PCDHGA7: variants seen among roughly 807,000 people sequenced by gnomAD.
PCDHGA7 encodes the protein protocadherin gamma-A7.
A neutral mutation model predicts 58.3 loss-of-function variants in PCDHGA7; 44 were observed. That is an observed-to-expected ratio of 0.75 (90% CI 0.59 to 0.97). The LOEUF is 0.97. Ranked by LOEUF, PCDHGA7 falls within the 50% of genes least tolerant of loss-of-function variation. The pLI is 0.00. For synonymous variants in PCDHGA7, 516 were observed against 504.2 expected (o/e 1.02, Z -0.31); for missense variants, 1,266 against 1,188.7 (o/e 1.06, Z -0.96).
At chr5:141,428,551 G>A (rs1192248816) in intron 1 of PCDHGA7, 1 of 254,070 alleles carries the variant, frequency 3.9e-6, no homozygotes, top group Non-Finnish European at 7.8e-6. Flanking sequence ...ACCAGAAACA[G>A]TCCCCCCACA....
intron 1 of PCDHGA7, among the ~76,000 whole-genome samples, chr5:141,451,571 A>G (rs2098719323): frequency 6.6e-6 from 1 of 152,188 alleles, no homozygotes; most frequent in Non-Finnish European, 1.5e-5. Context: ...CAATCTTTTT[A>G]TAAACCTAAT....
At chr5:141,409,723 G>T (rs781363259) in intron 1 of PCDHGA7, 1 of 1,613,154 alleles carries the variant, frequency 6.2e-7, no homozygotes, top group Non-Finnish European at 8.5e-7. Flanking sequence ...ACGTGTCAGT[G>T]AGCGCGCAGA....
In PCDHGA7 at chr5:141,404,331, A is replaced by G. The variant is rs201757016; in HGVS notation, c.2424+19008A>G. On this transcript the variant is annotated intron_variant, in intron 1 of 3. Coordinates refer to ENST00000518325, the MANE Select transcript of PCDHGA7 (RefSeq NM_018920.4). ...TTCTCTCAAGCCTCCTACTCAGTCT[A>G]CCTCCCGGAAAACAACGCCAGAGGT... 101 of 1,613,692 alleles carry G rather than the reference A, an allele frequency of 6.3e-5. 1 individual carries two copies. The highest frequency in any genetic ancestry group is 6.0e-4 in the African/African-American group (45 of 74,944).
At chr5:141,459,531 A>G (rs1479666418) in intron 1 of PCDHGA7, among the ~76,000 whole-genome samples, 2 of 152,184 alleles carry the variant, frequency 1.3e-5, no homozygotes, top group Admixed American at 1.3e-4. Context: ...TTTTGTAGGC[A>G]TATTTTTTTT....
At chr5:141,393,404 G>A (rs1159260916) in intron 1 of PCDHGA7, 1 of 1,614,024 alleles carries the variant, frequency 6.2e-7, no homozygotes, top group Non-Finnish European at 8.5e-7. Context: ...TGGTGCTGGA[G>A]CGCGCCCTGG....
rs767547572 is a variant in PCDHGA7 at position 141,505,495 on chromosome 5, G to C, written c.2572+14G>C. On this transcript the variant is annotated intron_variant, in intron 3 of 3. Coordinates refer to ENST00000518325, the MANE Select transcript of PCDHGA7 (RefSeq NM_018920.4). The stretch of plus-strand genomic sequence containing the variant: ...CGTCCGCCAGTGGTAAGTGGTGTCA[G>C]TGTGTGTATGGAAGAGTGGGAGACC... 5 of 1,614,210 alleles carry C rather than the reference G, an allele frequency of 3.1e-6. No individual in the cohort carries two copies. Among genetic ancestry groups the C allele is most frequent in the Non-Finnish European group, 4.2e-6 (5 of 1,180,000 alleles).
rs745435492 is a variant in PCDHGA7, at chr5:141,489,215, A to G, written c.2425-5592A>G. The G allele has an allele frequency of 4.1e-6, 6 of 1,475,362 alleles. No homozygotes were observed. Among genetic ancestry groups the G allele is most frequent in the Non-Finnish European group, 5.5e-6 (6 of 1,093,140 alleles). 91.4% of individuals were successfully genotyped at this position (1,475,362 alleles called of 1,614,324 possible). A position where few individuals can be genotyped will look rare whatever the true frequency, so the allele number is the denominator to read the frequency against. ...CTTGGAGACAGGACAGCACAGACTT[A>G]CTCTCCACAAAGGGACTTCTGGGTC... On this transcript the variant is annotated intron_variant, in intron 1 of 3. Coordinates refer to ENST00000518325, the MANE Select transcript of PCDHGA7 (RefSeq NM_018920.4). The surrounding 1 kb of genome is among the most constrained non-coding windows in gnomAD (Gnocchi z 4.5).
At chr5:141,394,407 G>A in intron 1 of PCDHGA7, 1 of 1,614,240 alleles carries the variant, frequency 6.2e-7, no homozygotes, top group Admixed American at 1.7e-5. Context: ...GCAGCTACTG[G>A]TAACAGCCAG....
rs1423427104 is a variant in PCDHGA7, at chr5:141,417,737, C to T, written c.2424+32414C>T. 5 of 1,407,068 alleles carry T rather than the reference C, an allele frequency of 3.6e-6. No homozygotes were observed. In the African/African-American group the frequency reaches 7.2e-5, roughly 20 times the overall value. 87.2% of individuals were successfully genotyped at this position (1,407,068 alleles called of 1,614,324 possible). ...CCGGCTGCGCAGACCTTGCCCAGCA[C>T]ACCAGATTGCCAGCTCCGAGACCCG... is the stretch of plus-strand genomic sequence containing the variant. On this transcript the variant is annotated intron_variant, in intron 1 of 3. Transcript: ENST00000518325.
intron 1 of PCDHGA7, chr5:141,478,910 A>C (rs568573298): frequency 1.1e-6 from 1 of 893,688 alleles, no homozygotes; most frequent in Non-Finnish European, 1.6e-6. Context: ...AAGCTGCTGG[A>C]TACCTCTAAC....
intron 1 of PCDHGA7, chr5:141,420,445 T>C: frequency 9.6e-7 from 1 of 1,044,750 alleles, no homozygotes; most frequent in Non-Finnish European, 1.3e-6. Context: ...AATGCCTCAG[T>C]CTTCCTACTA....
At position 141,491,117 on chromosome 5, in the gene PCDHGA7, G is replaced by A; in HGVS notation, c.2425-3690G>A. ...CTGTTCCTCGTGTCTACACACACTGGTGAGGTGCGCACAGCCCGGGCCTTA... is the reference window on the plus strand; with the variant it reads ...CTGTTCCTCGTGTCTACACACACTGATGAGGTGCGCACAGCCCGGGCCTTA... On this transcript the variant is annotated intron_variant, in intron 1 of 3. Coordinates refer to ENST00000518325, the MANE Select transcript of PCDHGA7 (RefSeq NM_018920.4). The surrounding 1 kb of genome is among the most constrained non-coding windows in gnomAD (Gnocchi z 6.9). 1 of 1,614,196 alleles carries A rather than the reference G, an allele frequency of 6.2e-7. No homozygotes were observed.
intron 1 of PCDHGA7, chr5:141,414,008 A>G (rs753686379): frequency 4.3e-6 from 7 of 1,613,188 alleles, no homozygotes; most frequent in Middle Eastern, 1.6e-4. Context: ...GAAGGTGCCA[A>G]TGGAGAAGTG....
In PCDHGA7 at chr5:141,418,980, A is replaced by G; in HGVS notation, c.2424+33657A>G. 1 of 1,614,004 alleles carries G rather than the reference A, an allele frequency of 6.2e-7. No individual in the cohort carries two copies. ...GTTGCCCTCTTCAAAACACGGGACC[A>G]AGACTCAGGGGAAAATGGGGAAGTC... On this transcript the variant is annotated intron_variant, in intron 1 of 3. Transcript: ENST00000518325.
intron 1 of PCDHGA7, chr5:141,409,037 T>A: frequency 3.7e-6 from 6 of 1,613,992 alleles, no homozygotes; most frequent in Non-Finnish European, 5.1e-6. Context: ...TGAGATAAAC[T>A]ACTACTTCCG....
intron 1 of PCDHGA7, among the ~76,000 whole-genome samples, chr5:141,472,980 C>CAAAAAAAAAAAAAA (rs60579131): frequency 5.8e-5 from 5 of 86,102 alleles, no homozygotes; most frequent in Admixed American, 1.2e-4. Context: ...GAGTGAAACT[C>CAAAAAAAAAAAAAA]AAAAAAAAAA....
At chr5:141,408,910 T>A in intron 1 of PCDHGA7, 1 of 1,613,256 alleles carries the variant, frequency 6.2e-7, no homozygotes, top group Non-Finnish European at 8.5e-7. Flanking sequence ...AGGATACCAA[T>A]GATAACCCCC....
intron 1 of PCDHGA7, chr5:141,423,253 C>T (rs750278899): frequency 6.2e-7 from 1 of 1,613,916 alleles, no homozygotes; most frequent in Non-Finnish European, 8.5e-7. Flanking sequence ...CCTGGCGGAC[C>T]TCGGCAGCCT....
chr5:141,494,745 G>C, intron 1 of PCDHGA7, 62 bp from the exon 2 acceptor site: 1 of 1,612,802 alleles, frequency 6.2e-7, no homozygotes, highest in Middle Eastern at 1.7e-4. Flanking sequence ...ATCCCTAGGG[G>C]CTCGGGTGAC....
Sources: allele counts gnomAD v4.1 joint callset (sites outside exome capture counted in the v4.1 genomes callset), GRCh38; gene constraint gnomAD v4.1.1; non-coding constraint Gnocchi (gnomAD v3.1); transcripts MANE v1.5; gene names NCBI Gene and HGNC (gene_info 2026-07-23, HGNC 2026-07-21).